The following CCDC93 variants were observed in gnomAD, a reference collection of about 807,000 sequenced individuals.
CCDC93 encodes the protein CCC complex scaffolding subunit CCDC93, also known as coiled-coil domain-containing protein 93.
In CCDC93, 61 loss-of-function variants were observed where a neutral mutation model predicts 108.2. That is an observed-to-expected ratio of 0.56 (90% CI 0.46 to 0.70). CCDC93 has a LOEUF of 0.70. CCDC93 is among the 30% of genes least tolerant of loss of function. CCDC93 has a pLI of 0.00. For synonymous variants in CCDC93, 276 were observed against 260.4 expected, an observed-to-expected ratio of 1.06 and a Z score of -0.58; for missense variants, 685 against 764.2, an observed-to-expected ratio of 0.90 and a Z score of 1.22.
chr2:117,938,147 T>G (rs1260763810), intron 20 of CCDC93, among the ~76,000 whole-genome samples: 1 of 152,216 alleles, frequency 6.6e-6, no homozygotes, highest in African/African-American at 2.4e-5. Context: ...TTTCTCATTC[T>G]GTCCGCATTA....
At chr2:117,988,211 T>C (rs997478930) in intron 6 of CCDC93, among the ~76,000 whole-genome samples, 3 of 152,186 alleles carry the variant, frequency 2.0e-5, no homozygotes, top group Non-Finnish European at 4.4e-5. Context: ...GTGACCCTTT[T>C]GTAAAGCAGA....
At position 117,978,008 on chromosome 2, in the gene CCDC93, T is replaced by C. The variant is rs1679997235; in HGVS notation, c.643A>G (p.Ser215Gly). ...GTTTTTCTTACCTTCTCCATTTTGCTCTGGCGGCTAAATCCATATCTCCTG... is the reference window on the plus strand; with the variant it reads ...GTTTTTCTTACCTTCTCCATTTTGCCCTGGCGGCTAAATCCATATCTCCTG... ...YGRRYGFSRQ[S>G]KMEKAEDKKT... Residue 215 changes from serine (S) to glycine (G), a missense_variant, in exon 8 of 24, where the codon AGC (serine) becomes GGC (glycine). Physicochemically the swap from Ser to Gly is moderately conservative, Grantham distance 56 (BLOSUM62 0). Coordinates refer to ENST00000376300, the MANE Select transcript of CCDC93 (RefSeq NM_019044.5). 1.2e-6 allele frequency: 2 copies of C among 1,613,978 alleles called. No individual in the cohort carries two copies. The highest frequency in any genetic ancestry group is 1.1e-5 in the South Asian group (1 of 91,074).
At chr2:117,978,747 G>A (rs1194002198) in intron 7 of CCDC93, among the ~76,000 whole-genome samples, 1 of 152,260 alleles carries the variant, frequency 6.6e-6, no homozygotes. Context: ...CCTGCAAAGT[G>A]CTGTAATCCC....
chr2:117,990,034 A>G (rs1573518257), intron 6 of CCDC93, among the ~76,000 whole-genome samples: 1 of 152,338 alleles, frequency 6.6e-6, no homozygotes, highest in East Asian at 1.9e-4. Flanking sequence ...ACAAAAGTCT[A>G]AACTACCAAA....
intron 23 of CCDC93, among the ~76,000 whole-genome samples, chr2:117,924,154 G>T (rs967600993): frequency 6.6e-6 from 1 of 152,134 alleles, no homozygotes; most frequent in Non-Finnish European, 1.5e-5. Flanking sequence ...AAGACCAAAG[G>T]TAGATAAAAC....
chr2:118,001,114 T>A (rs1323021813), intron 3 of CCDC93, 182 bp from the exon 4 acceptor site: 3 of 526,948 alleles, frequency 5.7e-6, no homozygotes, highest in East Asian at 6.0e-5. Context: ...TGGTGGTGTG[T>A]AGGTGTGTGG....
chr2:117,945,418 A>C, intron 17 of CCDC93, 111 bp downstream of exon 17: 1 of 815,870 alleles, frequency 1.2e-6, no homozygotes, highest in East Asian at 2.4e-5. Flanking sequence ...CTAGATGTGG[A>C]GTTGGCCATA....
intron 23 of CCDC93, among the ~76,000 whole-genome samples, chr2:117,924,761 T>G (rs934601998): frequency 6.6e-6 from 1 of 152,132 alleles, no homozygotes; most frequent in South Asian, 2.1e-4. Context: ...AACATTCAAA[T>G]TTAGGAAATA....
Position 117,954,566 on chromosome 2 carries a change from C to T in CCDC93, c.1006-2131G>A, listed in dbSNP as rs538043877. ...TCTATTTTCTTCTTCATCATTAACC[C>T]CTACACTTACTCTAAAAATTCAGCT... On this transcript the variant is annotated intron_variant, in intron 12 of 23. Transcript: ENST00000376300. Among the ~76,000 whole-genome samples, 8 of 152,226 alleles carry T rather than the reference C, an allele frequency of 5.3e-5. No homozygotes were observed. The East Asian group carries it at 1.5e-3, about 29-fold the overall frequency.
chr2:117,939,525 C>T (rs550634477), intron 19 of CCDC93, among the ~76,000 whole-genome samples: 1 of 152,212 alleles, frequency 6.6e-6, no homozygotes, highest in African/African-American at 2.4e-5. Flanking sequence ...GAAATTTGTT[C>T]TGTGAAATAA....
In CCDC93 at chr2:118,006,829, A is replaced by G; in HGVS notation, c.157-13T>C. ...TTCCTCCTACTACCTGCAAGACATA[A>G]AGAAAATATTTGTTTTCTCTTTTTA... On this transcript the variant is annotated splice_polypyrimidine_tract_variant and intron_variant, in intron 2 of 23. Coordinates refer to ENST00000376300, the MANE Select transcript of CCDC93 (RefSeq NM_019044.5). 3.3e-6 allele frequency: 5 copies of G among 1,532,124 alleles called. 1 individual carries two copies. Among genetic ancestry groups the G allele is most frequent in the Middle Eastern group, 3.4e-4 (2 of 5,876 alleles). 94.9% of individuals were successfully genotyped at this position (1,532,124 alleles called of 1,614,324 possible). A position where few individuals can be genotyped will look rare whatever the true frequency, so the allele number is the denominator to read the frequency against.
At chr2:118,001,042 CT>C in intron 3 of CCDC93, 110 bp from the exon 4 acceptor site, 1 of 665,230 alleles carries the variant, frequency 1.5e-6, no homozygotes, top group Non-Finnish European at 2.7e-6. Flanking sequence ...CCATGCCAGG[CT>C]AGTCCAGACC....
In CCDC93 at chr2:117,978,750, G is replaced by A. The variant is rs540376595; in HGVS notation, c.621-720C>T. On this transcript the variant is annotated intron_variant, in intron 7 of 23. Transcript: ENST00000376300. ...CGCTGGCTCACGCCTGCAAAGTGCT[G>A]TAATCCCAGCACTTTGGGAGGCTGA... 9.2e-5 allele frequency among the ~76,000 whole-genome samples: 14 copies of A among 152,312 alleles called. No individual in the cohort carries two copies. In the South Asian group the frequency reaches 2.3e-3, roughly 25 times the overall value.
intron 19 of CCDC93, among the ~76,000 whole-genome samples, chr2:117,940,350 A>G (rs1678658560): frequency 6.6e-6 from 1 of 152,212 alleles, no homozygotes; most frequent in Non-Finnish European, 1.5e-5. Context: ...TTAGCCTGAC[A>G]GAAGAAAAAG....
chr2:118,001,494 T>C (rs1676684551), intron 3 of CCDC93, among the ~76,000 whole-genome samples: 1 of 151,640 alleles, frequency 6.6e-6, no homozygotes, highest in Non-Finnish European at 1.5e-5. Context: ...TTTTTGATAC[T>C]CTAAAATAAA....
rs900752141 is a variant in CCDC93 at position 117,918,530 on chromosome 2, A to C, written c.*1813T>G. On this transcript the variant is annotated 3_prime_UTR_variant, in exon 24 of 24. Transcript: ENST00000376300. ...TCTGCCTCCCTACCACCTTTGGACA[A>C]ATATTCAAATAACTGCCCCAACTGC... 1.3e-5 allele frequency: 2 copies of C among 152,218 alleles called. No individual in the cohort carries two copies. Among genetic ancestry groups the C allele is most frequent in the African/African-American group, 4.8e-5 (2 of 41,434 alleles). 9.4% of individuals were successfully genotyped at this position (152,218 alleles called of 1,614,324 possible).
intron 22 of CCDC93, among the ~76,000 whole-genome samples, chr2:117,932,939 T>C (rs1678394753): frequency 6.6e-6 from 1 of 152,190 alleles, no homozygotes; most frequent in Admixed American, 6.5e-5. Flanking sequence ...TGCTCTGCAC[T>C]TTAGCAAAAC....
At chr2:117,961,485 T>C (rs1679388452) in intron 11 of CCDC93, among the ~76,000 whole-genome samples, 1 of 152,210 alleles carries the variant, frequency 6.6e-6, no homozygotes. Flanking sequence ...TGGGAAGTTA[T>C]TTTTAGTCAG....
At chr2:117,941,954 C>G (rs2104730785) in intron 18 of CCDC93, among the ~76,000 whole-genome samples, 1 of 152,302 alleles carries the variant, frequency 6.6e-6, no homozygotes, top group South Asian at 2.1e-4. Context: ...TGCTGCCTTT[C>G]TTCTGTGCCT....
Sources: allele counts gnomAD v4.1 joint callset (sites outside exome capture counted in the v4.1 genomes callset), GRCh38; gene constraint gnomAD v4.1.1; transcripts MANE v1.5; gene names NCBI Gene and HGNC (gene_info 2026-07-23, HGNC 2026-07-21).